The following MEGF6 variants were observed in gnomAD, a reference collection of about 807,000 sequenced individuals.
The protein encoded by MEGF6 is multiple EGF like domains 6.
MEGF6 carries 184 observed loss-of-function variants against 207.1 expected under a neutral mutation model. The observed-to-expected ratio is 0.89, with a 90% CI of 0.79 to 1.00. The LOEUF is 1.00. Ranked by LOEUF, MEGF6 falls within the 50% of genes least tolerant of loss-of-function variation. The pLI, the probability that MEGF6 is intolerant of heterozygous loss-of-function variation, is 0.00. For missense variants in MEGF6, 2,282 were observed against 2,202.9 expected, an observed-to-expected ratio of 1.04 and a Z score of -0.72; for synonymous variants, 1,038 against 910.0, an observed-to-expected ratio of 1.14 and a Z score of -2.53.
Position 3,611,373 on chromosome 1 carries a change from G to C in MEGF6, c.-105C>G. Reference sequence around the variant, plus strand: ...CCATAGGACGCAGCCACAGGTGCCCGCGCCCGCTCCGCGGAGCCCAAGGTC... The same window carrying C: ...CCATAGGACGCAGCCACAGGTGCCCCCGCCCGCTCCGCGGAGCCCAAGGTC... On this transcript the variant is annotated 5_prime_UTR_variant, in exon 1 of 37. Coordinates refer to ENST00000356575, the MANE Select transcript of MEGF6 (RefSeq NM_001409.4). 7.6e-7 allele frequency: 1 copy of C among 1,322,124 alleles called. No individual in the cohort carries two copies. Among genetic ancestry groups the C allele is most frequent in the Non-Finnish European group, 9.7e-7 (1 of 1,035,360 alleles). 81.9% of individuals were successfully genotyped at this position (1,322,124 alleles called of 1,614,324 possible).
intron 5 of MEGF6, among the ~76,000 whole-genome samples, chr1:3,521,734 C>T (rs866044441): frequency 3.4e-4 from 51 of 152,198 alleles, no homozygotes; most frequent in African/African-American, 1.1e-3. Flanking sequence ...ACCGAGGAAC[C>T]GGCCCCACCC....
At chr1:3,621,669 AGG>A in the MEGF6 span, among the ~76,000 whole-genome samples, 2 of 152,196 alleles carry the variant, frequency 1.3e-5, no homozygotes, top group African/African-American at 4.8e-5. Flanking sequence ...AGCTACGAGA[AGG>A]GGGACACTGT....
chr1:3,497,828 C>G (rs1640676199), intron 26 of MEGF6, among the ~76,000 whole-genome samples: 1 of 152,202 alleles, frequency 6.6e-6, no homozygotes, highest in South Asian at 2.1e-4. Flanking sequence ...CCAAGTTGTA[C>G]CCCAAGCAGT....
intron 3 of MEGF6, among the ~76,000 whole-genome samples, chr1:3,587,735 A>T (rs1040416616): frequency 3.3e-5 from 5 of 152,144 alleles, no homozygotes; most frequent in African/African-American, 4.8e-5. Flanking sequence ...TGCTCATGAG[A>T]CAAACCATCG....
In MEGF6 at chr1:3,498,704, C is replaced by T; in HGVS notation, c.3217G>A (p.Glu1073Lys). The T allele has an allele frequency of 6.4e-7, 1 of 1,567,750 alleles. No homozygotes were observed. Among genetic ancestry groups the T allele is most frequent in the Non-Finnish European group, 8.6e-7 (1 of 1,159,232 alleles). Residue 1073 changes from glutamate to lysine, a missense_variant, in exon 25 of 37, where the codon GAG (glutamate) becomes AAG (lysine). By Grantham distance (56) the Glu-to-Lys change is moderately conservative. Transcript: ENST00000356575. ...CPEGWAGLAC[E>K]KECLPRDVRA... is the part of the protein sequence containing the mutation. Reference sequence around the variant, plus strand: ...TCTGCCGCCCAGCGCTCACCCTTCTCACAGGCCAGGCCGGCCCAGCCCTCT... The same window carrying T: ...TCTGCCGCCCAGCGCTCACCCTTCTTACAGGCCAGGCCGGCCCAGCCCTCT...
At chr1:3,539,406 G>A (rs113162137) in intron 4 of MEGF6, among the ~76,000 whole-genome samples, 417 of 152,196 alleles carry the variant, frequency 2.7e-3, no homozygotes, top group African/African-American at 9.5e-3. Flanking sequence ...GGGGCTCAGC[G>A]GGTCTCTCCT....
At chr1:3,521,740 C>T (rs1641755274) in intron 5 of MEGF6, among the ~76,000 whole-genome samples, 1 of 152,216 alleles carries the variant, frequency 6.6e-6, no homozygotes, top group Admixed American at 6.5e-5. Flanking sequence ...GAACCGGCCC[C>T]ACCCTTGCAG....
At chr1:3,598,472 G>A (rs1160687329) in intron 2 of MEGF6, among the ~76,000 whole-genome samples, 1 of 150,110 alleles carries the variant, frequency 6.7e-6, no homozygotes, top group Admixed American at 6.7e-5. Flanking sequence ...GCAGAGCTGA[G>A]AGTGTTTGGG....
At position 3,506,178 on chromosome 1, in the gene MEGF6, C is replaced by G. The variant is rs777570213; in HGVS notation, c.1848G>C (p.Arg616=). 1.3e-6 allele frequency: 2 copies of G among 1,598,952 alleles called. No homozygotes were observed. Among genetic ancestry groups the G allele is most frequent in the Non-Finnish European group, 1.7e-6 (2 of 1,172,300 alleles). The change falls in exon 15 of 37, where the codon CGG becomes CGC. Residue 616 remains arginine, a synonymous_variant. Transcript: ENST00000356575. The part of the protein sequence containing the change: ...HCRKKCNCAN[R]GRCHRLYGAC... ...CCCCGTAGAGGCGGTGGCACCGGCC[C>G]CGGTTGGCACAGTTGCATTTCTTGC...
upstream of MEGF6, among the ~76,000 whole-genome samples, chr1:3,613,089 G>A (rs1428198836): frequency 1.3e-5 from 2 of 152,212 alleles, no homozygotes; most frequent in African/African-American, 2.4e-5. Flanking sequence ...TCCCCAAGAG[G>A]TGAGCTAGTT....
intron 35 of MEGF6, among the ~76,000 whole-genome samples, chr1:3,492,182 C>A (rs552138441): frequency 6.6e-6 from 1 of 152,240 alleles, no homozygotes; most frequent in South Asian, 2.1e-4. Flanking sequence ...TGCACACACA[C>A]CCTGCTGTAC....
chr1:3,503,672 ATG>A (rs1164893338), intron 17 of MEGF6, among the ~76,000 whole-genome samples: 2 of 145,020 alleles, frequency 1.4e-5, no homozygotes, highest in African/African-American at 2.5e-5. Flanking sequence ...ATTCATGTGT[ATG>A]TGTGTGTAAG....
Position 3,493,984 on chromosome 1 carries a change from C to T in MEGF6, c.4258+12G>A, listed in dbSNP as rs1452894241. Reference sequence around the variant, plus strand: ...CAGGGAGCGGGGGTTCAGGGAGGCACCAAGCACTCACCCCTCTCACAGAAG... The same window carrying T: ...CAGGGAGCGGGGGTTCAGGGAGGCATCAAGCACTCACCCCTCTCACAGAAG... On this transcript the variant is annotated intron_variant, in intron 33 of 36. Coordinates refer to ENST00000356575, the MANE Select transcript of MEGF6 (RefSeq NM_001409.4). The T allele has an allele frequency of 1.3e-6, 2 of 1,593,882 alleles. No homozygotes were observed. The highest frequency in any genetic ancestry group is 1.1e-5 in the South Asian group (1 of 88,600).
intron 3 of MEGF6, among the ~76,000 whole-genome samples, chr1:3,582,294 C>T (rs548443891): frequency 6.6e-6 from 1 of 152,328 alleles, no homozygotes; most frequent in South Asian, 2.1e-4. Flanking sequence ...CACTGGGATG[C>T]GCACACAGCG....
intron 1 of MEGF6, among the ~76,000 whole-genome samples, chr1:3,609,338 C>T (rs1644294999): frequency 1.3e-5 from 2 of 152,378 alleles, no homozygotes; most frequent in South Asian, 4.1e-4. Context: ...CGCACTCACT[C>T]AGCCCACCAA....
At chr1:3,520,761 CA>C (rs1025544588) in intron 5 of MEGF6, among the ~76,000 whole-genome samples, 2 of 152,168 alleles carry the variant, frequency 1.3e-5, no homozygotes, top group African/African-American at 4.8e-5. Flanking sequence ...GTCTGATTTC[CA>C]TAAGATAATC....
upstream of MEGF6, among the ~76,000 whole-genome samples, chr1:3,614,424 T>C (rs1229311283): frequency 2.0e-5 from 3 of 152,246 alleles, no homozygotes; most frequent in African/African-American, 4.8e-5. Context: ...CACTTCTGTA[T>C]GCAGATTGAA....
intron 4 of MEGF6, among the ~76,000 whole-genome samples, chr1:3,544,948 T>C (rs777611865): frequency 2.0e-5 from 3 of 152,144 alleles, no homozygotes; most frequent in African/African-American, 4.8e-5. Flanking sequence ...CACCGGACAG[T>C]GACCCGCCCT....
At chr1:3,495,227 A>G (rs1640551487) in intron 30 of MEGF6, among the ~76,000 whole-genome samples, 2 of 152,192 alleles carry the variant, frequency 1.3e-5, no homozygotes, top group Non-Finnish European at 2.9e-5. Context: ...AGGCGGGGCC[A>G]AGCTACATCC....
Sources: gnomAD v4.1 joint callset for allele counts (sites outside exome capture counted in the v4.1 genomes callset) on GRCh38, gnomAD v4.1.1 for gene constraint, MANE v1.5 for transcripts, NCBI Gene and HGNC (gene_info 2026-07-23, HGNC 2026-07-21) for gene names.